Variants in DTNA observed in about 807,000 individuals in gnomAD.
The protein encoded by DTNA is dystrobrevin alpha, also known as dystrophin-related protein 3.
Under a neutral mutation model 100.7 loss-of-function variants are expected in DTNA, and 43 were observed. That is an observed-to-expected ratio of 0.43 (90% CI 0.33 to 0.55). The LOEUF is 0.55. Among genes scored for constraint, DTNA ranks in the 20% least tolerant of loss-of-function variants. The pLI is 0.04. For synonymous variants in DTNA, 349 were observed against 347.9 expected (o/e 1.00, Z -0.04); for missense variants, 798 against 953.9 (o/e 0.84, Z 2.15).
At chr18:34,565,698 T>C (rs182521047) in intron 1 of DTNA, among the ~76,000 whole-genome samples, 2 of 152,344 alleles carry the variant, frequency 1.3e-5, no homozygotes, top group East Asian at 1.9e-4. Context: ...GTCTCTCTTA[T>C]TAAGAACCTG....
intron 6 of DTNA, among the ~76,000 whole-genome samples, chr18:34,812,350 C>G (rs1034405517): frequency 6.6e-6 from 1 of 152,066 alleles, no homozygotes; most frequent in Non-Finnish European, 1.5e-5. Flanking sequence ...AAATTTTTTC[C>G]TTTCATTGTC....
intron 11 of DTNA, among the ~76,000 whole-genome samples, chr18:34,835,248 T>A (rs1406279515): frequency 6.6e-6 from 1 of 152,202 alleles, no homozygotes. Flanking sequence ...TTAAGAGCTA[T>A]AGCAAAACAA....
At chr18:34,524,201 AAAT>A (rs1439347625) in intron 1 of DTNA, among the ~76,000 whole-genome samples, 4 of 152,186 alleles carry the variant, frequency 2.6e-5, no homozygotes, top group African/African-American at 9.7e-5. Flanking sequence ...TGTATTAATA[AAAT>A]AACAGCAATA....
At chr18:34,838,916 G>A in intron 13 of DTNA, 79 bp downstream of exon 13, 1 of 1,287,558 alleles carries the variant, frequency 7.8e-7, no homozygotes, top group Non-Finnish European at 1.1e-6. Flanking sequence ...TCAGCAAGGA[G>A]CAAGGTCACT....
chr18:34,576,905 C>T (rs1005068468), intron 1 of DTNA, among the ~76,000 whole-genome samples: 1 of 152,146 alleles, frequency 6.6e-6, no homozygotes, highest in Non-Finnish European at 1.5e-5. Context: ...GCAAACTGTG[C>T]TCTGAGTCTC....
At chr18:34,652,360 C>T (rs772564739) in intron 1 of DTNA, among the ~76,000 whole-genome samples, 2 of 152,112 alleles carry the variant, frequency 1.3e-5, no homozygotes, top group African/African-American at 2.4e-5. Flanking sequence ...AGCATTCAGC[C>T]TTCTTAGCTG....
intron 1 of DTNA, among the ~76,000 whole-genome samples, chr18:34,690,313 A>G (rs1446342772): frequency 6.6e-6 from 1 of 152,150 alleles, no homozygotes; most frequent in Non-Finnish European, 1.5e-5. Context: ...AGACCATGGG[A>G]AAAGGGTAGT....
chr18:34,702,499 T>C (rs1270045026), intron 1 of DTNA, among the ~76,000 whole-genome samples: 1 of 152,182 alleles, frequency 6.6e-6, no homozygotes, highest in East Asian at 1.9e-4. Flanking sequence ...ATAGAATCCA[T>C]TGGCGTTTCT....
chr18:34,604,940 A>G (rs2052699305), intron 1 of DTNA, among the ~76,000 whole-genome samples: 2 of 152,166 alleles, frequency 1.3e-5, no homozygotes, highest in Non-Finnish European at 2.9e-5. Flanking sequence ...AATTACCCAT[A>G]ACATTTCTTA....
upstream of DTNA, chr18:34,709,487 T>C (rs1386757835): frequency 1.3e-5 from 2 of 152,158 alleles, no homozygotes; most frequent in Non-Finnish European, 2.9e-5. Context: ...CTCCTTCAGC[T>C]TTTCCCTAAA....
At chr18:34,647,762 CAAAT>C (rs2060012389) in intron 1 of DTNA, among the ~76,000 whole-genome samples, 1 of 152,202 alleles carries the variant, frequency 6.6e-6, no homozygotes. Flanking sequence ...AGTCAACACA[CAAAT>C]AAATATATCA....
chr18:34,663,739 A>G (rs953688477), intron 1 of DTNA, among the ~76,000 whole-genome samples: 1 of 152,234 alleles, frequency 6.6e-6, no homozygotes, highest in Non-Finnish European at 1.5e-5. Context: ...ATAAAATTCA[A>G]ACTTTCAAGT....
chr18:34,860,897 G>A (rs1786593), intron 16 of DTNA, among the ~76,000 whole-genome samples: 1 of 152,076 alleles, frequency 6.6e-6, no homozygotes, highest in Admixed American at 6.5e-5. Flanking sequence ...TATTCTACTC[G>A]TTTAATGGAT....
At chr18:34,653,864 C>T (rs1390376852) in intron 1 of DTNA, among the ~76,000 whole-genome samples, 1 of 151,972 alleles carries the variant, frequency 6.6e-6, no homozygotes. Context: ...ACTGAGGAAT[C>T]CATGCTAAAA....
intron 4 of DTNA, among the ~76,000 whole-genome samples, chr18:34,798,180 A>G (rs2095062187): frequency 6.6e-6 from 1 of 152,016 alleles, no homozygotes; most frequent in African/African-American, 2.4e-5. Flanking sequence ...TTGTGTTTTT[A>G]GTAGAGATAG....
intron 1 of DTNA, among the ~76,000 whole-genome samples, chr18:34,685,319 G>C (rs957488439): frequency 3.9e-5 from 6 of 152,098 alleles, no homozygotes; most frequent in African/African-American, 1.4e-4. Flanking sequence ...TTTTGTATGA[G>C]GTGTAAGGAA....
chr18:34,742,834 G>A (rs2090951677), intron 1 of DTNA, among the ~76,000 whole-genome samples: 1 of 152,014 alleles, frequency 6.6e-6, no homozygotes, highest in Admixed American at 6.6e-5. Context: ...CTTAATAAAT[G>A]TTTATTATTA....
intron 1 of DTNA, among the ~76,000 whole-genome samples, chr18:34,691,313 G>T (rs1036672145): frequency 2.6e-5 from 4 of 152,060 alleles, no homozygotes. Context: ...TCAGTGATTT[G>T]TTCTATCTCA....
At chr18:34,510,069 T>TGTGTGTGTG (rs2040884110) in intron 1 of DTNA, among the ~76,000 whole-genome samples, 4 of 144,960 alleles carry the variant, frequency 2.8e-5, no homozygotes, top group South Asian at 2.2e-4. Flanking sequence ...GAGTGTAATT[T>TGTGTGTGTG]TGTGTGTGTG....
Sources: gnomAD v4.1 joint callset for allele counts (sites outside exome capture counted in the v4.1 genomes callset) on GRCh38, gnomAD v4.1.1 for gene constraint, MANE v1.5 for transcripts, NCBI Gene and HGNC (gene_info 2026-07-23, HGNC 2026-07-21) for gene names.